The following PIK3CD variants were observed in gnomAD, a reference collection of about 807,000 sequenced individuals.
PIK3CD encodes phosphatidylinositol 4,5-bisphosphate 3-kinase catalytic subunit delta isoform.
PIK3CD carries 20 observed loss-of-function variants against 122.9 expected under a neutral mutation model. The observed-to-expected ratio is 0.16, with a 90% CI of 0.11 to 0.24. The LOEUF is 0.24. Ranked by LOEUF, PIK3CD falls within the 10% of genes least tolerant of loss-of-function variation. PIK3CD has a pLI of 1.00. For synonymous variants in PIK3CD, 596 were observed against 593.4 expected (o/e 1.00, Z -0.06); for missense variants, 787 against 1,406.3 (o/e 0.56, Z 7.04).
intron 1 of PIK3CD, among the ~76,000 whole-genome samples, chr1:9,654,780 C>T (rs1484321814): frequency 1.3e-5 from 2 of 152,126 alleles, no homozygotes; most frequent in African/African-American, 2.4e-5. Context: ...CTCTTTCAGG[C>T]TGGGCGCGGT....
In PIK3CD at chr1:9,715,967, G is replaced by A. The variant is rs771799142; in HGVS notation, c.489G>A (p.Leu163=). The change falls in exon 5 of 24, where the codon CTG becomes CTA. Residue 163 remains leucine (L), a synonymous_variant. Coordinates refer to ENST00000377346, the MANE Select transcript of PIK3CD (RefSeq NM_005026.5). The surrounding 1 kb of genome is among the most constrained non-coding windows in gnomAD (Gnocchi z 4.1). The part of the protein sequence containing the change: ...RRQQLGWEAW[L]QYSFPLQLEP... ...AGCAGCTGGGCTGGGAGGCCTGGCT[G>A]CAGTACAGTTTCCCCCTGCAGCTGG... 1.6e-5 allele frequency: 26 copies of A among 1,612,402 alleles called. No homozygotes were observed. Among genetic ancestry groups the A allele is most frequent in the Non-Finnish European group, 2.2e-5 (26 of 1,179,832 alleles).
rs200867219 is a variant in PIK3CD at position 9,716,628 on chromosome 1, G to A, written c.780+9G>A. 6.8e-5 allele frequency: 105 copies of A among 1,551,764 alleles called. No individual in the cohort carries two copies. The East Asian group carries it at 1.0e-3, about 15-fold the overall frequency. ...CGCTCTGCCAGTTCCAGGTGAGGCC[G>A]CTGAGGCCCTCTGCACTCTGGGCTC... On this transcript the variant is annotated intron_variant, in intron 6 of 23. Transcript: ENST00000377346.
chr1:9,674,401 C>A (rs187930872), intron 1 of PIK3CD, among the ~76,000 whole-genome samples: 4 of 152,072 alleles, frequency 2.6e-5, no homozygotes, highest in Non-Finnish European at 5.9e-5. Flanking sequence ...GAAGGTTGGC[C>A]GGGCGCGGTG....
At chr1:9,675,698 A>AC (rs1359529256) in intron 1 of PIK3CD, among the ~76,000 whole-genome samples, 1 of 54,078 alleles carries the variant, frequency 1.8e-5, no homozygotes, top group Non-Finnish European at 3.8e-5. Context: ...CCTCACCCCC[A>AC]CCCCCCGTCC....
At chr1:9,708,505 AG>A (rs2100744011) in intron 2 of PIK3CD, among the ~76,000 whole-genome samples, 1 of 152,210 alleles carries the variant, frequency 6.6e-6, no homozygotes, top group East Asian at 1.9e-4. Flanking sequence ...AGCACGCACT[AG>A]TACCAGGAAT....
intron 2 of PIK3CD, among the ~76,000 whole-genome samples, chr1:9,692,242 G>A (rs1406546492): frequency 6.6e-6 from 1 of 152,158 alleles, no homozygotes; most frequent in African/African-American, 2.4e-5. Flanking sequence ...CAAGCTCTCT[G>A]GGTGCATAAC....
Position 9,727,765 on chromosome 1 carries a change from A to T in PIK3CD, c.*719A>T. The T allele has an allele frequency of 4.8e-6, 1 of 207,916 alleles. No individual in the cohort carries two copies. Among genetic ancestry groups the T allele is most frequent in the Non-Finnish European group, 9.8e-6 (1 of 101,976 alleles). 12.9% of individuals were successfully genotyped at this position (207,916 alleles called of 1,614,324 possible). On this transcript the variant is annotated 3_prime_UTR_variant, in exon 24 of 24. Coordinates refer to ENST00000377346, the MANE Select transcript of PIK3CD (RefSeq NM_005026.5). ...GCTCACCCCGGTCACGCATGAAGGC[A>T]AAAGCAGGTCAGAAGCGAATACTCT...
At chr1:9,708,825 C>G (rs577793520) in intron 2 of PIK3CD, among the ~76,000 whole-genome samples, 70 of 151,942 alleles carry the variant, frequency 4.6e-4, no homozygotes, top group Non-Finnish European at 8.4e-4. Context: ...GAGTAAGACT[C>G]TGTTTCAAAA....
At chr1:9,711,935 C>A (rs551692264) in intron 3 of PIK3CD, among the ~76,000 whole-genome samples, 3 of 151,346 alleles carry the variant, frequency 2.0e-5, no homozygotes, top group Non-Finnish European at 4.4e-5. Flanking sequence ...CCCGCTCTGT[C>A]GCCCAGGCTG....
chr1:9,634,146 G>GT, the PIK3CD span, among the ~76,000 whole-genome samples: 69 of 116,624 alleles, frequency 5.9e-4, 1 homozygote, highest in South Asian at 1.6e-3. Context: ...TAATTTTTGG[G>GT]TTGTTTTTTT....
intron 1 of PIK3CD, among the ~76,000 whole-genome samples, chr1:9,678,194 T>C (rs1645613920): frequency 6.6e-6 from 1 of 151,190 alleles, no homozygotes. Context: ...CCGGGCACTG[T>C]GGCTCTCACC....
intron 1 of PIK3CD, among the ~76,000 whole-genome samples, chr1:9,688,812 A>G (rs1646072329): frequency 6.6e-6 from 1 of 152,058 alleles, no homozygotes. Flanking sequence ...AGGGCAACAG[A>G]GCAAGACCCT....
intron 1 of PIK3CD, among the ~76,000 whole-genome samples, chr1:9,680,377 T>C (rs1645703211): frequency 6.6e-6 from 1 of 152,056 alleles, no homozygotes; most frequent in African/African-American, 2.4e-5. Flanking sequence ...TTTGGGAGGC[T>C]GAGGCTGAAC....
intron 1 of PIK3CD, among the ~76,000 whole-genome samples, chr1:9,681,334 C>G (rs1318282731): frequency 6.6e-6 from 1 of 151,874 alleles, no homozygotes; most frequent in Non-Finnish European, 1.5e-5. Context: ...AGCTCCTGGG[C>G]TCAAGCAACC....
intron 1 of PIK3CD, among the ~76,000 whole-genome samples, chr1:9,686,872 A>AAT (rs1265524451): frequency 6.6e-6 from 1 of 152,212 alleles, no homozygotes; most frequent in African/African-American, 2.4e-5. Context: ...AATACTTAAT[A>AAT]TGAGTGCCAG....
intron 1 of PIK3CD, among the ~76,000 whole-genome samples, chr1:9,666,932 C>G (rs1324610470): frequency 1.3e-5 from 2 of 151,378 alleles, no homozygotes; most frequent in Non-Finnish European, 2.9e-5. Flanking sequence ...GTGGCATGAT[C>G]TCGGCTCACT....
At position 9,722,133 on chromosome 1, in the gene PIK3CD, C is replaced by A. The variant is rs755934302; in HGVS notation, c.2214C>A (p.Ser738Arg). The A allele has an allele frequency of 5.6e-6, 9 of 1,612,972 alleles. No homozygotes were observed. In the Admixed American group the frequency reaches 1.0e-4, roughly 18 times the overall value. ...ACCTGCAGTCCCCACTCGACCCCAG[C>A]ACCCTGCTGGCTGAAGTCTGGTGAG... ...LSHLQSPLDP[S>R]TLLAEVCVEQ... The change falls in exon 17 of 24, where the codon AGC becomes AGA. Residue 738 changes from serine to arginine, a missense_variant. This residue lies in a region of PIK3CD where 48 missense variants were observed against 71.9 expected (regional missense o/e 0.67). Transcript: ENST00000377346. The surrounding 1 kb of genome is among the most constrained non-coding windows in gnomAD (Gnocchi z 7.6).
chr1:9,668,077 A>G (rs2100942293), intron 1 of PIK3CD, among the ~76,000 whole-genome samples: 1 of 151,994 alleles, frequency 6.6e-6, no homozygotes, highest in Middle Eastern at 3.4e-3. Flanking sequence ...TTTATTGCCA[A>G]TGAGTTTAAA....
At chr1:9,668,640 A>G (rs1031330920) in intron 1 of PIK3CD, among the ~76,000 whole-genome samples, 7 of 151,922 alleles carry the variant, frequency 4.6e-5, no homozygotes, top group Non-Finnish European at 8.8e-5. Context: ...GCTTCCCCTC[A>G]TTCTTATTAT....
Sources: allele counts gnomAD v4.1 joint callset (sites outside exome capture counted in the v4.1 genomes callset), GRCh38; gene constraint gnomAD v4.1.1; regional missense constraint gnomAD v4.1.1; non-coding constraint Gnocchi (gnomAD v3.1); transcripts MANE v1.5; gene names NCBI Gene and HGNC (gene_info 2026-07-23, HGNC 2026-07-21).